SSU72: variants seen among roughly 807,000 people sequenced by gnomAD.
The protein encoded by SSU72 is RNA polymerase II subunit A C-terminal domain phosphatase SSU72.
Under a neutral mutation model 22.7 loss-of-function variants are expected in SSU72, and 12 were observed. The observed-to-expected ratio is 0.53, with a 90% confidence interval of 0.34 to 0.86. SSU72 has a LOEUF of 0.86. Ranked by LOEUF, SSU72 falls within the 40% of genes least tolerant of loss-of-function variation. The pLI is 0.02. For missense variants in SSU72, 151 were observed against 249.8 expected, an observed-to-expected ratio of 0.60 and a Z score of 2.67; for synonymous variants, 116 against 98.3, an observed-to-expected ratio of 1.18 and a Z score of -1.06.
intron 1 of SSU72, 45 bp from the exon 2 acceptor site, chr1:1,564,961 C>T: frequency 1.3e-6 from 2 of 1,537,868 alleles, no homozygotes; most frequent in Non-Finnish European, 1.7e-6. Context: ...CACTAAGACA[C>T]AAAATTCCAA....
At chr1:1,572,838 C>G (rs1480507799) in intron 1 of SSU72, among the ~76,000 whole-genome samples, 5 of 142,828 alleles carry the variant, frequency 3.5e-5, no homozygotes, top group Admixed American at 2.2e-4. Flanking sequence ...CAGAAGGTCT[C>G]CAGCCCATTT....
At chr1:1,550,855 C>G (rs1053778882) in intron 2 of SSU72, among the ~76,000 whole-genome samples, 6 of 152,210 alleles carry the variant, frequency 3.9e-5, no homozygotes, top group Admixed American at 6.5e-5. Context: ...CATCACCCAC[C>G]ACACGCCCCT....
At chr1:1,553,888 C>G (rs992995896) in intron 2 of SSU72, among the ~76,000 whole-genome samples, 1 of 151,878 alleles carries the variant, frequency 6.6e-6, no homozygotes, top group Non-Finnish European at 1.5e-5. Flanking sequence ...GACAATGCAG[C>G]TGAACTGTCT....
intron 3 of SSU72, among the ~76,000 whole-genome samples, chr1:1,544,330 A>G (rs1242601933): frequency 6.6e-6 from 1 of 152,206 alleles, no homozygotes; most frequent in African/African-American, 2.4e-5. Flanking sequence ...ATCCGCTTGA[A>G]AAATGGGCCT....
chr1:1,549,221 TAAA>T (rs938930988), intron 2 of SSU72, among the ~76,000 whole-genome samples: 1 of 151,738 alleles, frequency 6.6e-6, no homozygotes, highest in Non-Finnish European at 1.5e-5. Flanking sequence ...CTACAAAAAA[TAAA>T]AAATTACCAG....
chr1:1,560,537 CTCAGGCTCACT>C (rs1216904124), intron 2 of SSU72, among the ~76,000 whole-genome samples: 35 of 152,358 alleles, frequency 2.3e-4, no homozygotes, highest in Non-Finnish European at 2.5e-4. Context: ...CCCTCAACCC[CTCAGGCTCACT>C]TCTGGCTTGT....
chr1:1,547,962 C>G (rs1181756412), intron 2 of SSU72, among the ~76,000 whole-genome samples: 1 of 152,238 alleles, frequency 6.6e-6, no homozygotes, highest in Non-Finnish European at 1.5e-5. Flanking sequence ...AAACCAAAGA[C>G]TCAGCCCGGG....
intron 2 of SSU72, among the ~76,000 whole-genome samples, chr1:1,558,309 A>G (rs532842316): frequency 6.6e-6 from 1 of 152,148 alleles, no homozygotes; most frequent in Admixed American, 6.5e-5. Flanking sequence ...CCCAGGCTGC[A>G]GTGAGCTGTG....
intron 2 of SSU72, among the ~76,000 whole-genome samples, chr1:1,560,005 ATG>A (rs1642567792): frequency 6.6e-6 from 1 of 152,030 alleles, no homozygotes; most frequent in Non-Finnish European, 1.5e-5. Context: ...GATTACAGGC[ATG>A]TGCCACCATG....
At chr1:1,547,200 G>A (rs1228804282) in intron 2 of SSU72, among the ~76,000 whole-genome samples, 2 of 152,120 alleles carry the variant, frequency 1.3e-5, no homozygotes, top group African/African-American at 2.4e-5. Flanking sequence ...GCACATCCCT[G>A]AGCAAGACAC....
At chr1:1,555,592 A>G (rs1642511911) in intron 2 of SSU72, among the ~76,000 whole-genome samples, 1 of 152,248 alleles carries the variant, frequency 6.6e-6, no homozygotes, top group Non-Finnish European at 1.5e-5. Context: ...AGCAGGTGAC[A>G]CCGACACGGC....
chr1:1,544,243 C>T (rs934491516), intron 3 of SSU72, among the ~76,000 whole-genome samples: 6 of 152,212 alleles, frequency 3.9e-5, no homozygotes, highest in Non-Finnish European at 7.3e-5. Context: ...TGGGGTGAAC[C>T]GTGACTGGCA....
chr1:1,555,471 G>A (rs958211993), intron 2 of SSU72, among the ~76,000 whole-genome samples: 3 of 152,226 alleles, frequency 2.0e-5, no homozygotes, highest in African/African-American at 4.8e-5. Context: ...GCCAGGTGGC[G>A]GCTGTGGCAG....
At chr1:1,558,185 AG>A (rs1452359062) in intron 2 of SSU72, among the ~76,000 whole-genome samples, 3 of 146,370 alleles carry the variant, frequency 2.0e-5, no homozygotes, top group Non-Finnish European at 4.4e-5. Flanking sequence ...TGGGCAACAG[AG>A]TGAGACTCTG....
chr1:1,554,610 C>T lies in SSU72; in HGVS notation c.225-9608G>A, dbSNP rs1642497606. Among the ~76,000 whole-genome samples the T allele has an allele frequency of 6.6e-6, 1 of 152,174 alleles. No homozygotes were observed. Among genetic ancestry groups the T allele is most frequent in the African/African-American group, 2.4e-5 (1 of 41,434 alleles). ...AGAATGAGCGCAGCTGCCCATCCCA[C>T]AGGAGAACCGAGAGGCCAGGACCAC... On this transcript the variant is annotated intron_variant, in intron 2 of 4. Transcript: ENST00000291386. The surrounding 1 kb of genome is among the most constrained non-coding windows in gnomAD (Gnocchi z 4.1).
chr1:1,545,278 C>G (rs1051548821), intron 2 of SSU72: 1 of 437,956 alleles, frequency 2.3e-6, no homozygotes, highest in East Asian at 4.5e-5. Context: ...CCCCCGCCCC[C>G]GCCCAGCATG....
intron 2 of SSU72, among the ~76,000 whole-genome samples, chr1:1,552,509 C>T (rs1642465840): frequency 6.6e-6 from 1 of 152,236 alleles, no homozygotes; most frequent in Non-Finnish European, 1.5e-5. Context: ...AGCTGTGCCC[C>T]ACGCCCAGAG....
chr1:1,544,665 C>T, intron 3 of SSU72, 198 bp downstream of exon 3: 1 of 659,622 alleles, frequency 1.5e-6, no homozygotes, highest in South Asian at 1.7e-5. Context: ...CCCTTGAAGC[C>T]CATGAGGCTG....
chr1:1,563,640 T>C (rs1007094449), intron 2 of SSU72: 2 of 151,390 alleles, frequency 1.3e-5, no homozygotes, highest in East Asian at 1.9e-4. Context: ...TCACCTGAAG[T>C]CAGGAGTTTA....
Sources: allele counts gnomAD v4.1 joint callset (sites outside exome capture counted in the v4.1 genomes callset), GRCh38; gene constraint gnomAD v4.1.1; non-coding constraint Gnocchi (gnomAD v3.1); transcripts MANE v1.5; gene names NCBI Gene and HGNC (gene_info 2026-07-23, HGNC 2026-07-21).